The following CREBBP variants were observed in gnomAD, a reference collection of about 807,000 sequenced individuals.
The protein encoded by CREBBP is CREB binding lysine acetyltransferase, also known as CREB-binding protein.
Under a neutral mutation model 265.0 loss-of-function variants are expected in CREBBP, and 19 were observed. The ratio of observed to expected loss-of-function variants is 0.07; its 90% confidence interval spans 0.05 to 0.11. CREBBP has a LOEUF of 0.11. Among genes scored for constraint, CREBBP ranks in the 10% least tolerant of loss-of-function variants. CREBBP has a pLI of 1.00. For synonymous variants in CREBBP, 1,457 were observed against 1,223.7 expected (o/e 1.19, Z -3.98); for missense variants, 2,525 against 3,219.0 (o/e 0.78, Z 5.22).
intron 1 of CREBBP, among the ~76,000 whole-genome samples, chr16:3,876,128 T>G (rs1179989470): frequency 6.6e-6 from 1 of 151,922 alleles, no homozygotes; most frequent in African/African-American, 2.4e-5. Flanking sequence ...AGCCTCGACC[T>G]CCTGGGCTCA....
chr16:3,786,977 G>A (rs2053401960), intron 5 of CREBBP, among the ~76,000 whole-genome samples: 1 of 151,752 alleles, frequency 6.6e-6, no homozygotes, highest in Admixed American at 6.6e-5. Flanking sequence ...GGAGGCTGAG[G>A]CAGGAATCAC....
chr16:3,745,655 A>G (rs1038390533), intron 21 of CREBBP: 1 of 449,860 alleles, frequency 2.2e-6, no homozygotes, highest in African/African-American at 2.0e-5. Context: ...TACATATTTC[A>G]CAGGCCGGTA....
chr16:3,784,684 G>C (rs2053347110), intron 5 of CREBBP, among the ~76,000 whole-genome samples: 1 of 152,190 alleles, frequency 6.6e-6, no homozygotes, highest in South Asian at 2.1e-4. Flanking sequence ...ACAAAGTATG[G>C]AGCCTTCCAT....
rs978894293 is a variant in CREBBP, at chr16:3,778,953, G to A, written c.1824-136C>T. 33 of 683,570 alleles carry A rather than the reference G, an allele frequency of 4.8e-5. No individual in the cohort carries two copies. The Admixed American group carries it at 6.4e-4, about 13-fold the overall frequency. The allele number at this position is 683,570 out of a possible 1,614,324, so 42.3% of individuals were successfully genotyped here. ...AGGCTGAGGCGGGAGAATCACCTGA[G>A]GTCAGCAGTTTGAGATCTGCCTGGC... is the stretch of plus-strand genomic sequence containing the variant. On this transcript the variant is annotated intron_variant, in intron 8 of 30. Coordinates refer to ENST00000262367, the MANE Select transcript of CREBBP (RefSeq NM_004380.3).
At chr16:3,760,002 C>T (rs1424117783) in intron 16 of CREBBP, among the ~76,000 whole-genome samples, 1 of 152,200 alleles carries the variant, frequency 6.6e-6, no homozygotes, top group Non-Finnish European at 1.5e-5. Context: ...TTCACTCACA[C>T]AGAGAAGAAA....
rs372461616 is a variant in CREBBP at position 3,864,143 on chromosome 16, G to T, written c.86-13134C>A. On this transcript the variant is annotated intron_variant, in intron 1 of 30. Transcript: ENST00000262367. The stretch of plus-strand genomic sequence containing the variant: ...CTCAGATTCCCCAGCCATATTGTAA[G>T]AACAAGCAAACAGACATCCAGAGAC... Among the ~76,000 whole-genome samples the T allele has an allele frequency of 2.3e-3, 346 of 152,314 alleles. 4 individuals are homozygous for T. The South Asian group carries it at 0.04, about 18-fold the overall frequency.
chr16:3,823,997 T>C (rs2054191426), intron 2 of CREBBP, among the ~76,000 whole-genome samples: 1 of 149,544 alleles, frequency 6.7e-6, no homozygotes, highest in African/African-American at 2.5e-5. Flanking sequence ...CACACACTCA[T>C]CTAGGAACAT....
In CREBBP at chr16:3,841,643, A is replaced by C. The variant is rs1597036802; in HGVS notation, c.798+8654T>G. 2.0e-5 allele frequency among the ~76,000 whole-genome samples: 3 copies of C among 152,118 alleles called. No homozygotes were observed. In the East Asian group the frequency reaches 5.8e-4, roughly 29 times the overall value. On this transcript the variant is annotated intron_variant, in intron 2 of 30. Transcript: ENST00000262367. ...GTGACAGAGTGAGGCCTTGTCTCAA[A>C]ATAAATAAATAATATTAGAGATTTC...
In CREBBP at chr16:3,730,734, G is replaced by A. The variant is rs1356048158; in HGVS notation, c.5172+458C>T. Among the ~76,000 whole-genome samples, 7 of 152,286 alleles carry A rather than the reference G, an allele frequency of 4.6e-5. 1 individual carries two copies. In the East Asian group the frequency reaches 1.4e-3, roughly 29 times the overall value. On this transcript the variant is annotated intron_variant, in intron 30 of 30. Transcript: ENST00000262367. ...GACTGTCCTGGGAGGGGGATGGTGG[G>A]ATCTGTCACCTGCCTGCCCTGCACA... is the stretch of plus-strand genomic sequence containing the variant.
At chr16:3,835,190 C>A (rs562654055) in intron 2 of CREBBP, among the ~76,000 whole-genome samples, 1 of 152,060 alleles carries the variant, frequency 6.6e-6, no homozygotes, top group South Asian at 2.1e-4. Context: ...AACAAAAAAG[C>A]TTTTCTTAAA....
At chr16:3,867,747 G>C (rs987776982) in intron 1 of CREBBP, among the ~76,000 whole-genome samples, 1 of 139,420 alleles carries the variant, frequency 7.2e-6, no homozygotes, top group Non-Finnish European at 1.5e-5. Flanking sequence ...GGAAGACCCC[G>C]TATCTCTACT....
rs761751428 is a variant in CREBBP at position 3,728,115 on chromosome 16, G to A, written c.6932C>T (p.Pro2311Leu). Residue 2311 changes from proline (P) to leucine (L), a missense_variant, in exon 31 of 31, where the codon CCG becomes CTG. Physicochemically the swap from Pro to Leu is moderately conservative, Grantham distance 98 (BLOSUM62 -3). Around this residue, in one of 19 missense-constraint regions of CREBBP, gnomAD observed 473 missense variants for 459.3 expected, o/e 1.03. Transcript: ENST00000262367. This position sits in a 1 kb window ranked among gnomAD's most constrained non-coding sequence, Gnocchi z 8.7. ...MKQQIGSPGQ[P>L]NPMSPQQHML... ...GTGTTGCTGGGGGCTCATGGGGTTC[G>A]GCTGGCCTGGGGACCCAATCTGCTG... The A allele has an allele frequency of 5.6e-6, 9 of 1,614,014 alleles. No homozygotes were observed. In the Admixed American group the frequency reaches 6.7e-5, roughly 12 times the overall value.
At chr16:3,801,093 G>A (rs1029941284) in intron 3 of CREBBP, among the ~76,000 whole-genome samples, 5 of 152,260 alleles carry the variant, frequency 3.3e-5, no homozygotes, top group Middle Eastern at 3.4e-3. Context: ...AGCCACACAC[G>A]ACAGGTGAAG....
intron 24 of CREBBP, 45 bp downstream of exon 24, chr16:3,740,354 C>A (rs746354753): frequency 1.2e-6 from 2 of 1,611,556 alleles, no homozygotes; most frequent in Non-Finnish European, 8.5e-7. Flanking sequence ...GGCAAGCGGG[C>A]GTGGGGACTG....
At chr16:3,792,231 C>A in intron 4 of CREBBP, 137 bp from the exon 5 acceptor site, 1 of 791,136 alleles carries the variant, frequency 1.3e-6, no homozygotes, top group East Asian at 2.7e-5. Flanking sequence ...CAGTCCTCAA[C>A]TTACAAACAG....
Position 3,725,969 on chromosome 16 carries a change from G to A in CREBBP, c.*1749C>T, listed in dbSNP as rs1476421233. The A allele has an allele frequency of 3.9e-5, 9 of 232,990 alleles. No individual in the cohort carries two copies. The highest frequency in any genetic ancestry group is 6.8e-5 in the Non-Finnish European group (8 of 117,958). 14.4% of individuals were successfully genotyped at this position (232,990 alleles called of 1,614,324 possible). On this transcript the variant is annotated 3_prime_UTR_variant, in exon 31 of 31. Coordinates refer to ENST00000262367, the MANE Select transcript of CREBBP (RefSeq NM_004380.3). ...TCCTCCTCTCAGTTTTACGGTTTTT[G>A]TGAACTTGTCTCACCCACTCAGTAA...
At chr16:3,834,004 C>T (rs1273985714) in intron 2 of CREBBP, among the ~76,000 whole-genome samples, 1 of 152,080 alleles carries the variant, frequency 6.6e-6, no homozygotes. Flanking sequence ...ACACAGATGG[C>T]AAATAAGCGT....
intron 3 of CREBBP, among the ~76,000 whole-genome samples, chr16:3,809,959 C>A (rs568465722): frequency 1.4e-4 from 22 of 151,910 alleles, no homozygotes; most frequent in Non-Finnish European, 2.5e-4. Flanking sequence ...ACAAGAGAGG[C>A]TGGACAAAAG....
intron 1 of CREBBP, among the ~76,000 whole-genome samples, chr16:3,865,018 C>G (rs554280014): frequency 6.6e-5 from 10 of 151,984 alleles, no homozygotes; most frequent in Non-Finnish European, 1.0e-4. Flanking sequence ...AAGATCGTGC[C>G]AATGCACTCC....
Sources: allele counts gnomAD v4.1 joint callset (sites outside exome capture counted in the v4.1 genomes callset), GRCh38; gene constraint gnomAD v4.1.1; regional missense constraint gnomAD v4.1.1; non-coding constraint Gnocchi (gnomAD v3.1); transcripts MANE v1.5; gene names NCBI Gene and HGNC (gene_info 2026-07-23, HGNC 2026-07-21).